RPS9: variants seen among roughly 807,000 people sequenced by gnomAD.
RPS9 encodes small ribosomal subunit protein uS4.
RPS9 carries 1 observed loss-of-function variant against 16.9 expected under a neutral mutation model. The ratio of observed to expected loss-of-function variants is 0.06; its 90% CI spans 0.02 to 0.28. RPS9 has a LOEUF of 0.28. Ranked by LOEUF, RPS9 falls within the 10% of genes least tolerant of loss-of-function variation. The pLI is 1.00. For missense variants in RPS9, 137 were observed against 273.2 expected (o/e 0.50, Z 3.51); for synonymous variants, 106 against 110.9 (o/e 0.96, Z 0.28).
At position 54,201,293 on chromosome 19, in the gene RPS9, A is replaced by AGGCTTCCGGGAAGTGGTTC; in HGVS notation, c.97+24_97+42dup. The AGGCTTCCGGGAAGTGGTTC allele has an allele frequency of 6.2e-7, 1 of 1,614,068 alleles. No homozygotes were observed. Among genetic ancestry groups the AGGCTTCCGGGAAGTGGTTC allele is most frequent in the East Asian group, 2.2e-5 (1 of 44,874 alleles). ...GCTGAAGCTGATCGGTGAGTGGCCA[A>AGGCTTCCGGGAAGTGGTTC]GGCTTCCGGGAAGTGGTTCGGCTTC... On this transcript the variant is annotated intron_variant, in intron 2 of 4. Transcript: ENST00000302907.
chr19:54,203,395 G>A (rs749986873), intron 3 of RPS9: 10 of 732,956 alleles, frequency 1.4e-5, no homozygotes, highest in African/African-American at 1.9e-5. Flanking sequence ...TTCCCACTAA[G>A]ATGTGTGACT....
chr19:54,201,063 G>A, intron 1 of RPS9, 97 bp from the exon 2 acceptor site: 1 of 1,518,678 alleles, frequency 6.6e-7, no homozygotes, highest in Non-Finnish European at 8.8e-7. Context: ...GGTTATTCTC[G>A]CGAGATCGGA....
Position 54,201,219 on chromosome 19 carries a change from C to G in RPS9, c.35C>G (p.Thr12Ser). 6.2e-7 allele frequency: 1 copy of G among 1,611,014 alleles called. No individual in the cohort carries two copies. Among genetic ancestry groups the G allele is most frequent in the South Asian group, 1.1e-5 (1 of 91,046 alleles). ...PVARSWVCRKTYVTPRRPFEK... is the reference protein window; with the variant it reads ...PVARSWVCRKSYVTPRRPFEK... ...GCCCGGAGCTGGGTTTGTCGCAAAA[C>G]TTATGTGACCCCGCGGAGACCCTTC... The change falls in exon 2 of 5, where the codon ACT becomes AGT. Residue 12 changes from threonine to serine, a missense_variant. Physicochemically the swap from Thr to Ser is moderately conservative, Grantham distance 58 (BLOSUM62 1). Coordinates refer to ENST00000302907, the MANE Select transcript of RPS9 (RefSeq NM_001013.4).
Position 54,201,774 on chromosome 19 carries a change from C to CA in RPS9, c.220+166dup, listed in dbSNP as rs1362061303. ...TGGAGTAGGAAAAGTGTATCTGGAT[C>CA]AGTCTTTGCCCTGTTTCTTAGGTGT... is the stretch of plus-strand genomic sequence containing the variant. On this transcript the variant is annotated intron_variant, in intron 3 of 4. Coordinates refer to ENST00000302907, the MANE Select transcript of RPS9 (RefSeq NM_001013.4). The CA allele has an allele frequency of 2.9e-6, 4 of 1,392,264 alleles. No homozygotes were observed. In the African/African-American group the frequency reaches 5.8e-5, roughly 20 times the overall value. 86.2% of individuals were successfully genotyped at this position (1,392,264 alleles called of 1,614,324 possible).
chr19:54,205,499 T>C (rs1285775454), intron 3 of RPS9, among the ~76,000 whole-genome samples: 1 of 152,086 alleles, frequency 6.6e-6, no homozygotes. Context: ...TACTTTTCTC[T>C]CCTTAAAAGA....
In RPS9 at chr19:54,203,974, A is replaced by AT. The variant is rs530514015; in HGVS notation, c.221-2301dup. On this transcript the variant is annotated intron_variant, in intron 3 of 4. Transcript: ENST00000302907. ...CCCAGTGGAGCCTCAGCAGTAGGAC[A>AT]TGCTTTTGTTGAAGGTGTAAGGTTT... Among the ~76,000 whole-genome samples, 44 of 152,338 alleles carry AT rather than the reference A, an allele frequency of 2.9e-4. No individual in the cohort carries two copies. The South Asian group carries it at 8.7e-3, about 30-fold the overall frequency.
At chr19:54,206,660 G>T (rs2077252534) in intron 4 of RPS9, 198 bp downstream of exon 4, 3 of 1,548,000 alleles carry the variant, frequency 1.9e-6, no homozygotes, top group Non-Finnish European at 2.6e-6. Flanking sequence ...CCAGCGCAAG[G>T]GTCACTGCGG....
At chr19:54,207,066 C>T (rs2077268013) in intron 4 of RPS9, 11 of 450,426 alleles carry the variant, frequency 2.4e-5, no homozygotes, top group Admixed American at 8.0e-5. Flanking sequence ...TAATACAGCT[C>T]AGTGTCAGGT....
At chr19:54,204,429 G>A (rs183645910) in intron 3 of RPS9, among the ~76,000 whole-genome samples, 14 of 152,072 alleles carry the variant, frequency 9.2e-5, no homozygotes, top group Admixed American at 2.6e-4. Context: ...TAATGGTGAC[G>A]ATCTCACTTT....
At position 54,202,988 on chromosome 19, in the gene RPS9, G is replaced by A. The variant is rs139198791; in HGVS notation, c.220+1379G>A. 2.7e-3 allele frequency: 2,627 copies of A among 970,742 alleles called. 3 individuals are homozygous for A. The highest frequency in any genetic ancestry group is 3.1e-3 in the Non-Finnish European group (2,523 of 816,512). The allele number at this position is 970,742 out of a possible 1,614,324, so 60.1% of individuals were successfully genotyped here. On this transcript the variant is annotated intron_variant, in intron 3 of 4. Transcript: ENST00000302907. Reference sequence around the variant, plus strand: ...GCTGGGGTTACAGGTGTAAGCCACCGCACCTGACCCTTTCATTCTTTTCGT... The same window carrying A: ...GCTGGGGTTACAGGTGTAAGCCACCACACCTGACCCTTTCATTCTTTTCGT...
chr19:54,207,248 C>A, intron 4 of RPS9, 150 bp from the exon 5 acceptor site: 1 of 632,216 alleles, frequency 1.6e-6, no homozygotes, highest in Non-Finnish European at 2.7e-6. Flanking sequence ...CCGGAGGGCG[C>A]ACGTAGGATC....
chr19:54,202,565 T>C lies in RPS9; in HGVS notation c.220+956T>C, dbSNP rs139195299. On this transcript the variant is annotated intron_variant, in intron 3 of 4. Coordinates refer to ENST00000302907, the MANE Select transcript of RPS9 (RefSeq NM_001013.4). ...GCTTACTTTACTAATTGTGGTGAAA[T>C]ACACATTAAATTGAAAATGTACCAT... 1,195 of 983,072 alleles carry C rather than the reference T, an allele frequency of 1.2e-3. 7 individuals are homozygous for C. The African/African-American group carries it at 0.019, about 15-fold the overall frequency. The allele number at this position is 983,072 out of a possible 1,614,324, so 60.9% of individuals were successfully genotyped here.
At chr19:54,206,188 T>C in intron 3 of RPS9, 88 bp from the exon 4 acceptor site, 1 of 1,359,412 alleles carries the variant, frequency 7.4e-7, no homozygotes, top group Non-Finnish European at 1.0e-6. Flanking sequence ...CGCCGCGGCA[T>C]GGAGCTACCA....
At chr19:54,201,137 G>A (rs2077031556) in intron 1 of RPS9, 23 bp from the exon 2 acceptor site, 1 of 1,612,016 alleles carries the variant, frequency 6.2e-7, no homozygotes, top group Non-Finnish European at 8.5e-7. Flanking sequence ...GATCCCTTAC[G>A]CTCACACTTC....
chr19:54,202,867 C>G (rs1053617262), intron 3 of RPS9: 3 of 985,348 alleles, frequency 3.0e-6, no homozygotes, highest in African/African-American at 1.7e-5. Context: ...ATGTTAGAAG[C>G]TTTTTCTTTA....
chr19:54,203,142 G>A (rs1015770341), intron 3 of RPS9: 2 of 954,268 alleles, frequency 2.1e-6, no homozygotes, highest in African/African-American at 3.5e-5. Flanking sequence ...TGGTTTTAGG[G>A]AGGACTTTCT....
chr19:54,203,707 A>G (rs1465531146), intron 3 of RPS9, among the ~76,000 whole-genome samples: 2 of 151,890 alleles, frequency 1.3e-5, no homozygotes, highest in African/African-American at 4.8e-5. Context: ...GGAGACAGAG[A>G]CTGCAGTGAG....
At chr19:54,205,619 G>A (rs1032703512) in intron 3 of RPS9, among the ~76,000 whole-genome samples, 2 of 152,004 alleles carry the variant, frequency 1.3e-5, no homozygotes, top group African/African-American at 4.8e-5. Flanking sequence ...GCTTTGTTAC[G>A]GTGGTAGTAG....
intron 4 of RPS9, chr19:54,206,992 A>T: frequency 1.9e-5 from 8 of 428,968 alleles, no homozygotes; most frequent in Non-Finnish European, 2.9e-5. Flanking sequence ...TTGTGTGTCA[A>T]TGCTTTCGTC....
Sources: gnomAD v4.1 joint callset for allele counts (sites outside exome capture counted in the v4.1 genomes callset) on GRCh38, gnomAD v4.1.1 for gene constraint, MANE v1.5 for transcripts, NCBI Gene and HGNC (gene_info 2026-07-23, HGNC 2026-07-21) for gene names.